The following ZNF385B variants were observed in gnomAD, a reference collection of about 807,000 sequenced individuals.
ZNF385B encodes the protein zinc finger protein 385B, also known as zinc finger protein 533.
Under a neutral mutation model 39.2 loss-of-function variants are expected in ZNF385B, and 23 were observed. The ratio of observed to expected loss-of-function variants is 0.59; its 90% confidence interval spans 0.42 to 0.83. The LOEUF is 0.83. ZNF385B is among the 40% of genes least tolerant of loss of function. The pLI is 0.00. For missense variants in ZNF385B, 552 were observed against 598.9 expected (o/e 0.92, Z 0.82); for synonymous variants, 205 against 222.6 (o/e 0.92, Z 0.70).
intron 3 of ZNF385B, among the ~76,000 whole-genome samples, chr2:179,657,690 A>G (rs1693951843): frequency 6.6e-6 from 1 of 152,244 alleles, no homozygotes; most frequent in Non-Finnish European, 1.5e-5. Context: ...ATCCAAATAG[A>G]AACAGTTGAT....
intron 3 of ZNF385B, among the ~76,000 whole-genome samples, chr2:179,576,778 C>T (rs12693195): frequency 0.083 from 12,590 of 152,088 alleles, 590 homozygotes; most frequent in Middle Eastern, 0.19. Context: ...AGGGAAGAGA[C>T]CAGGAAGCAG....
chr2:179,664,492 T>C (rs1325636412), intron 3 of ZNF385B, among the ~76,000 whole-genome samples: 1 of 152,130 alleles, frequency 6.6e-6, no homozygotes, highest in African/African-American at 2.4e-5. Flanking sequence ...AGATTGAACA[T>C]TGAGGGAGTT....
chr2:179,748,750 T>A (rs560854783), intron 3 of ZNF385B, among the ~76,000 whole-genome samples: 1 of 152,268 alleles, frequency 6.6e-6, no homozygotes, highest in South Asian at 2.1e-4. Flanking sequence ...ATGACTACAC[T>A]TCCCAAATAA....
Position 179,585,013 on chromosome 2 carries a change from C to A in ZNF385B, c.299-40044G>T, listed in dbSNP as rs760987303. On this transcript the variant is annotated intron_variant, in intron 3 of 9. Coordinates refer to ENST00000410066, the MANE Select transcript of ZNF385B (RefSeq NM_152520.6). ...AAAGGTCAAGTAAGATGAGGAGTGA[C>A]ACACATCCACTGGATTTGGAAATTA... Among the ~76,000 whole-genome samples the A allele has an allele frequency of 7.2e-5, 11 of 152,012 alleles. 1 individual carries two copies. The highest frequency in any genetic ancestry group is 3.9e-4 in the Admixed American group (6 of 15,264).
intron 3 of ZNF385B, among the ~76,000 whole-genome samples, chr2:179,644,698 A>G (rs1692563115): frequency 6.6e-6 from 1 of 152,164 alleles, no homozygotes; most frequent in Admixed American, 6.6e-5. Context: ...GGGACGTTAG[A>G]CTAAAATAAA....
At chr2:179,731,716 G>A (rs572896135) in intron 3 of ZNF385B, among the ~76,000 whole-genome samples, 2 of 152,316 alleles carry the variant, frequency 1.3e-5, no homozygotes, top group South Asian at 4.1e-4. Flanking sequence ...GAGCCCAGGA[G>A]TTCAAGGAAG....
intron 3 of ZNF385B, among the ~76,000 whole-genome samples, chr2:179,621,922 A>C (rs1690249485): frequency 6.6e-6 from 1 of 152,214 alleles, no homozygotes. Context: ...TGACAACATG[A>C]TGAGAGTTTA....
chr2:179,850,743 C>T (rs1011136705), intron 1 of ZNF385B, among the ~76,000 whole-genome samples: 5 of 152,112 alleles, frequency 3.3e-5, no homozygotes, highest in Non-Finnish European at 5.9e-5. Context: ...GTTGAAATCA[C>T]GATCCTAGTG....
chr2:179,678,998 T>G (rs1342631263), intron 3 of ZNF385B, among the ~76,000 whole-genome samples: 1 of 152,224 alleles, frequency 6.6e-6, no homozygotes, highest in Non-Finnish European at 1.5e-5. Context: ...TTAGAAATTG[T>G]GCTTTCTTAG....
At chr2:179,644,509 T>C (rs192157949) in intron 3 of ZNF385B, among the ~76,000 whole-genome samples, 246 of 152,330 alleles carry the variant, frequency 1.6e-3, no homozygotes, top group African/African-American at 5.6e-3. Context: ...CCCTTTGTTA[T>C]ATATTCTATG....
At chr2:179,493,734 T>C (rs561529603) in intron 5 of ZNF385B, among the ~76,000 whole-genome samples, 3 of 136,294 alleles carry the variant, frequency 2.2e-5, no homozygotes, top group Admixed American at 7.2e-5. Flanking sequence ...TATATACATA[T>C]ATGTATACAT....
At chr2:179,486,971 A>T (rs746355752) in intron 5 of ZNF385B, among the ~76,000 whole-genome samples, 1 of 152,210 alleles carries the variant, frequency 6.6e-6, no homozygotes, top group African/African-American at 2.4e-5. Flanking sequence ...ATATACAACA[A>T]TTTCTACAAC....
intron 1 of ZNF385B, among the ~76,000 whole-genome samples, chr2:179,778,295 A>C (rs563025539): frequency 1.3e-5 from 2 of 152,298 alleles, no homozygotes; most frequent in African/African-American, 4.8e-5. Context: ...CATAACCAAC[A>C]TAAAAACCTG....
intron 3 of ZNF385B, among the ~76,000 whole-genome samples, chr2:179,549,018 G>T (rs1369481916): frequency 1.3e-5 from 2 of 148,796 alleles, no homozygotes; most frequent in Non-Finnish European, 3.0e-5. Context: ...TTATCTTTAG[G>T]TTTCTCTATT....
At chr2:179,745,700 TAA>T in intron 3 of ZNF385B, 1 of 1,539,916 alleles carries the variant, frequency 6.5e-7, no homozygotes. Flanking sequence ...AGTTTTAGAA[TAA>T]AAACGCTCAC....
intron 3 of ZNF385B, among the ~76,000 whole-genome samples, chr2:179,721,548 G>A (rs966763366): frequency 6.6e-6 from 1 of 151,782 alleles, no homozygotes; most frequent in Non-Finnish European, 1.5e-5. Flanking sequence ...CCTCATAACA[G>A]GTTGAACAAA....
At chr2:179,545,086 TGTAA>T (rs2060147762) in intron 3 of ZNF385B, 117 bp from the exon 4 acceptor site, 1 of 1,280,268 alleles carries the variant, frequency 7.8e-7, no homozygotes, top group Non-Finnish European at 1.1e-6. Context: ...AGAGTTATGC[TGTAA>T]GTAAGCAAAT....
intron 1 of ZNF385B, among the ~76,000 whole-genome samples, chr2:179,836,787 G>A (rs1214596580): frequency 1.3e-5 from 2 of 151,976 alleles, no homozygotes; most frequent in Non-Finnish European, 2.9e-5. Context: ...CAAAGTGCTG[G>A]GATTACAGGC....
At chr2:179,568,296 T>G (rs1574839348) in intron 3 of ZNF385B, among the ~76,000 whole-genome samples, 1 of 152,244 alleles carries the variant, frequency 6.6e-6, no homozygotes, top group Non-Finnish European at 1.5e-5. Context: ...TCGGTTTATT[T>G]ACTTCATGGC....
Sources: gnomAD v4.1 joint callset for allele counts (sites outside exome capture counted in the v4.1 genomes callset) on GRCh38, gnomAD v4.1.1 for gene constraint, MANE v1.5 for transcripts, NCBI Gene and HGNC (gene_info 2026-07-23, HGNC 2026-07-21) for gene names.